Variants in THAP8 observed in about 807,000 individuals in gnomAD.
THAP8 encodes THAP domain containing 8.
Under a neutral mutation model 25.0 loss-of-function variants are expected in THAP8, and 24 were observed. The observed-to-expected ratio is 0.96, with a 90% CI of 0.69 to 1.35. The LOEUF is 1.35. Among genes scored for constraint, THAP8 ranks in the 40% most tolerant of loss-of-function variants. The pLI is 0.00. For missense variants in THAP8, 399 were observed against 368.8 expected, an observed-to-expected ratio of 1.08 and a Z score of -0.67; for synonymous variants, 169 against 157.6, an observed-to-expected ratio of 1.07 and a Z score of -0.54.
At chr19:36,054,417 C>T, upstream of THAP8, 2 of 635,634 alleles carry the variant, frequency 3.1e-6, no homozygotes, top group Non-Finnish European at 5.5e-6. Flanking sequence ...GCCCTCGTCA[C>T]GTGACGAATG....
At position 36,054,134 on chromosome 19, in the gene THAP8, C is replaced by G. The variant is rs3810448; in HGVS notation, c.83+1G>C. 1.2e-6 allele frequency: 2 copies of G among 1,613,688 alleles called. No individual in the cohort carries two copies. The highest frequency in any genetic ancestry group is 2.2e-5 in the South Asian group (2 of 90,948). ...CAAGCCCCGCCCCGCGCTGCGCTCACTTGTAGAAGCTCACAGGGCGGTTGT... is the reference window on the plus strand; with the variant it reads ...CAAGCCCCGCCCCGCGCTGCGCTCAGTTGTAGAAGCTCACAGGGCGGTTGT... On this transcript the variant is annotated splice_donor_variant, in intron 1 of 3. Coordinates refer to ENST00000292894, the MANE Select transcript of THAP8 (RefSeq NM_152658.3). LOFTEE classifies it high-confidence loss of function.
At chr19:36,037,678 C>T (rs1023697278) in intron 3 of THAP8, among the ~76,000 whole-genome samples, 2 of 152,078 alleles carry the variant, frequency 1.3e-5, no homozygotes, top group African/African-American at 4.8e-5. Flanking sequence ...TTGCTCTTGT[C>T]GCCTACGCTG....
Position 36,039,972 on chromosome 19 carries a change from G to C in THAP8, c.248C>G (p.Ser83Cys), listed in dbSNP as rs745958799. 2.5e-6 allele frequency: 4 copies of C among 1,613,364 alleles called. No individual in the cohort carries two copies. The highest frequency in any genetic ancestry group is 4.5e-5 in the East Asian group (2 of 44,870). The change falls in exon 2 of 4, where the codon TCC (serine) becomes TGC (cysteine). Residue 83 changes from serine (S) to cysteine (C), a missense_variant. Transcript: ENST00000292894. ...VRYLRPDAVP[S>C]IFSRGPPAKS... ...GGCAGGTGGTCCCCGGGAGAAGATG[G>C]AGGGCACTGCATCAGGCCGCAGGTA...
chr19:36,052,957 T>C (rs558551581), intron 1 of THAP8, among the ~76,000 whole-genome samples: 2 of 152,058 alleles, frequency 1.3e-5, no homozygotes, highest in Admixed American at 1.3e-4. Flanking sequence ...GTGCAGTGGC[T>C]CACGCCTGTA....
chr19:36,045,781 CA>C (rs1811160968), intron 1 of THAP8: 1 of 456,578 alleles, frequency 2.2e-6, no homozygotes. Context: ...GCACTGCCTG[CA>C]GCCACCAGGA....
intron 3 of THAP8, 41 bp downstream of exon 3, chr19:36,039,282 A>T: frequency 7.0e-7 from 1 of 1,425,928 alleles, no homozygotes; most frequent in Non-Finnish European, 9.1e-7. Flanking sequence ...AGGCCAGGCC[A>T]CCACCCATGG....
chr19:36,046,541 G>C (rs1384292032), intron 1 of THAP8, among the ~76,000 whole-genome samples: 4 of 152,138 alleles, frequency 2.6e-5, no homozygotes, highest in South Asian at 4.1e-4. Flanking sequence ...GCACAGAAAG[G>C]CTGACTCAGA....
intron 3 of THAP8, among the ~76,000 whole-genome samples, chr19:36,037,404 A>C (rs970882601): frequency 1.7e-4 from 26 of 151,716 alleles, no homozygotes; most frequent in African/African-American, 6.1e-4. Context: ...TATAGAGGCA[A>C]AAGGGATTCA....
At chr19:36,053,479 C>T (rs1020024615) in intron 1 of THAP8, among the ~76,000 whole-genome samples, 3 of 144,356 alleles carry the variant, frequency 2.1e-5, no homozygotes, top group Non-Finnish European at 3.0e-5. Context: ...CACTTGAGCC[C>T]GGGAGGTCGA....
chr19:36,051,786 G>C (rs1970061657), intron 1 of THAP8, among the ~76,000 whole-genome samples: 1 of 152,088 alleles, frequency 6.6e-6, no homozygotes, highest in Admixed American at 6.6e-5. Flanking sequence ...CAACTCCCAG[G>C]CTACAGACGG....
intron 1 of THAP8, among the ~76,000 whole-genome samples, chr19:36,044,452 T>G (rs1388720806): frequency 6.7e-6 from 1 of 149,074 alleles, no homozygotes; most frequent in African/African-American, 2.4e-5. Context: ...CATTACCTAC[T>G]GAGGGTTATG....
intron 3 of THAP8, 28 bp downstream of exon 3, chr19:36,039,295 G>A: frequency 7.0e-7 from 1 of 1,436,106 alleles, no homozygotes; most frequent in Non-Finnish European, 9.1e-7. Context: ...ACCCATGGAT[G>A]GGGCTGCCAG....
At position 36,054,126 on chromosome 19, in the gene THAP8, T is replaced by A; in HGVS notation, c.83+9A>T. On this transcript the variant is annotated intron_variant, in intron 1 of 3. Transcript: ENST00000292894. Reference sequence around the variant, plus strand: ...GCCTCCCTCAAGCCCCGCCCCGCGCTGCGCTCACTTGTAGAAGCTCACAGG... The same window carrying A: ...GCCTCCCTCAAGCCCCGCCCCGCGCAGCGCTCACTTGTAGAAGCTCACAGG... 1 of 1,612,626 alleles carries A rather than the reference T, an allele frequency of 6.2e-7. No individual in the cohort carries two copies. The highest frequency in any genetic ancestry group is 8.5e-7 in the Non-Finnish European group (1 of 1,179,458).
At chr19:36,040,258 A>G in intron 1 of THAP8, 122 bp from the exon 2 acceptor site, 2 of 1,004,386 alleles carry the variant, frequency 2.0e-6, no homozygotes, top group African/African-American at 1.6e-5. Flanking sequence ...TAGGAAGTAG[A>G]CCTGTCTTGT....
chr19:36,054,457 A>G (rs1361162342), upstream of THAP8: 2 of 594,642 alleles, frequency 3.4e-6, no homozygotes, highest in Non-Finnish European at 6.0e-6. Flanking sequence ...CACCTGCGCA[A>G]AGCCGGCCCT....
intron 1 of THAP8, chr19:36,045,562 C>A (rs1297896279): frequency 5.5e-6 from 2 of 365,406 alleles, no homozygotes; most frequent in African/African-American, 4.2e-5. Context: ...AACCACTGTG[C>A]CAGGCCTGAA....
rs200195681 is a variant in THAP8 at position 36,054,196 on chromosome 19, G to A, written c.22C>T (p.Pro8Ser). MPKYCRAPNCSNTAGRLG... is the reference protein window; with the variant it reads MPKYCRASNCSNTAGRLG... ...CGGCCCGCAGTGTTGGAGCAGTTCG[G>A]CGCCCTGCAGTACTTGGGCATGGCT... is the stretch of plus-strand genomic sequence containing the variant. Residue 8 changes from proline to serine, a missense_variant, in exon 1 of 4, where the codon CCG becomes TCG. Pro to Ser is a moderately conservative substitution (Grantham distance 74). Coordinates refer to ENST00000292894, the MANE Select transcript of THAP8 (RefSeq NM_152658.3). 13 of 1,613,878 alleles carry A rather than the reference G, an allele frequency of 8.1e-6. No individual in the cohort carries two copies. Among genetic ancestry groups the A allele is most frequent in the Middle Eastern group, 1.7e-4 (1 of 6,056 alleles).
intron 1 of THAP8, among the ~76,000 whole-genome samples, chr19:36,048,204 T>G (rs1382265296): frequency 6.6e-6 from 1 of 152,004 alleles, no homozygotes; most frequent in Admixed American, 6.5e-5. Flanking sequence ...TACTGTAGAG[T>G]AGGACCACAA....
chr19:36,036,272 C>CT (rs35918803), intron 3 of THAP8, among the ~76,000 whole-genome samples: 47,143 of 110,110 alleles, frequency 0.43, 11,227 homozygotes, highest in Admixed American at 0.53. Flanking sequence ...AAAGACCAGA[C>CT]TTTTTTTTTT....
Sources: allele counts gnomAD v4.1 joint callset (sites outside exome capture counted in the v4.1 genomes callset), GRCh38; gene constraint gnomAD v4.1.1; transcripts MANE v1.5; gene names NCBI Gene and HGNC (gene_info 2026-07-23, HGNC 2026-07-21).